The following PTPRD variants were observed in gnomAD, a reference collection of about 807,000 sequenced individuals.
PTPRD encodes protein tyrosine phosphatase receptor type D.
A neutral mutation model predicts 214.5 loss-of-function variants in PTPRD; 34 were observed. The observed-to-expected ratio is 0.16, with a 90% CI of 0.12 to 0.21. The LOEUF (loss-of-function observed/expected upper bound fraction) is 0.21, where lower values mean the gene tolerates loss of function less well. Ranked by LOEUF, PTPRD falls within the 10% of genes least tolerant of loss-of-function variation. PTPRD has a pLI of 1.00. For synonymous variants in PTPRD, 1,128 were observed against 845.7 expected (o/e 1.33, Z -5.79); for missense variants, 2,545 against 2,398.7 (o/e 1.06, Z -1.27).
At chr9:8,557,455 T>TATATATATATATATATACAC in intron 14 of PTPRD, among the ~76,000 whole-genome samples, 1 of 135,630 alleles carries the variant, frequency 7.4e-6, no homozygotes, top group African/African-American at 3.5e-5. Flanking sequence ...TATATATATA[T>TATATATATATATATATACAC]ATTTGGGCCG....
chr9:8,621,098 C>T (rs544242121), intron 14 of PTPRD, among the ~76,000 whole-genome samples: 5 of 151,870 alleles, frequency 3.3e-5, no homozygotes, highest in African/African-American at 4.8e-5. Context: ...TGGAAGGCAT[C>T]GTACAAGGGA....
intron 10 of PTPRD, among the ~76,000 whole-genome samples, chr9:9,067,532 T>C (rs1183225022): frequency 6.6e-6 from 1 of 152,212 alleles, no homozygotes; most frequent in African/African-American, 2.4e-5. Flanking sequence ...CTCCTCTTCT[T>C]GGCAGGTACT....
intron 9 of PTPRD, among the ~76,000 whole-genome samples, chr9:9,313,986 T>C (rs1035319291): frequency 1.3e-5 from 2 of 152,142 alleles, no homozygotes; most frequent in Non-Finnish European, 2.9e-5. Flanking sequence ...AAAATCTAGC[T>C]GTCATTTAGC....
rs373846484 is a variant in PTPRD, at chr9:8,574,810, G to A, written c.353-46031C>T. Among the ~76,000 whole-genome samples the A allele has an allele frequency of 1.4e-4, 21 of 152,008 alleles. No homozygotes were observed. The South Asian group carries it at 4.2e-3, about 30-fold the overall frequency. On this transcript the variant is annotated intron_variant, in intron 14 of 45. Coordinates refer to ENST00000381196, the MANE Select transcript of PTPRD (RefSeq NM_002839.4). The stretch of plus-strand genomic sequence containing the variant: ...GCCAATCCCATTTAAACAACTCACT[G>A]CTGAACTCCAAACAAACTTATAAAA...
intron 10 of PTPRD, among the ~76,000 whole-genome samples, chr9:9,163,962 C>T (rs1392210452): frequency 6.6e-6 from 1 of 152,162 alleles, no homozygotes; most frequent in Non-Finnish European, 1.5e-5. Context: ...TCAGAAAGCC[C>T]TCCTGAAATT....
chr9:10,085,865 A>G (rs1210930037), intron 3 of PTPRD, among the ~76,000 whole-genome samples: 2 of 151,874 alleles, frequency 1.3e-5, no homozygotes, highest in Non-Finnish European at 1.5e-5. Flanking sequence ...GTTTTTCAGT[A>G]TATTTCAGGG....
intron 10 of PTPRD, among the ~76,000 whole-genome samples, chr9:9,034,741 C>G (rs1386810577): frequency 6.6e-6 from 1 of 152,114 alleles, no homozygotes; most frequent in Non-Finnish European, 1.5e-5. Flanking sequence ...TCCATCTGCC[C>G]AGACTCATCT....
At chr9:9,635,368 G>A (rs528847395) in intron 7 of PTPRD, among the ~76,000 whole-genome samples, 1 of 152,264 alleles carries the variant, frequency 6.6e-6, no homozygotes, top group South Asian at 2.1e-4. Context: ...TTCAGGGTAG[G>A]TAGCATATTC....
At chr9:9,182,225 T>C (rs1197991443) in intron 10 of PTPRD, among the ~76,000 whole-genome samples, 2 of 152,066 alleles carry the variant, frequency 1.3e-5, no homozygotes, top group South Asian at 2.1e-4. Context: ...AGTGGTACTG[T>C]GATTTCTGAA....
chr9:9,307,688 G>A (rs997107180), intron 9 of PTPRD, among the ~76,000 whole-genome samples: 1 of 152,082 alleles, frequency 6.6e-6, no homozygotes, highest in South Asian at 2.1e-4. Context: ...TTACAAATCC[G>A]GTCAAGTTAA....
At chr9:8,486,571 A>G in intron 27 of PTPRD, 1 of 678,302 alleles carries the variant, frequency 1.5e-6, no homozygotes, top group Non-Finnish European at 2.7e-6. Context: ...ATGGACACAA[A>G]ACAGAAATTA....
At position 8,317,266 on chromosome 9, in the gene PTPRD, G is replaced by GTAAC. The variant is rs530103368; in HGVS notation, c.*604_*607dup. 6.4e-4 allele frequency: 148 copies of GTAAC among 232,004 alleles called. No homozygotes were observed. The highest frequency in any genetic ancestry group is 5.6e-3 in the East Asian group (91 of 16,376). The allele number at this position is 232,004 out of a possible 1,614,324, so 14.4% of individuals were successfully genotyped here. Reference sequence around the variant, plus strand: ...TGGAAATAAAAAAATGAAGAGTTATGTAACTTTTTTAAAATTCACTTTATC... The same window carrying GTAAC: ...TGGAAATAAAAAAATGAAGAGTTATGTAACTAACTTTTTTAAAATTCACTTTATC... On this transcript the variant is annotated 3_prime_UTR_variant, in exon 46 of 46. Transcript: ENST00000381196.
intron 7 of PTPRD, among the ~76,000 whole-genome samples, chr9:9,665,475 T>G (rs1373478613): frequency 1.3e-5 from 2 of 151,780 alleles, no homozygotes; most frequent in Non-Finnish European, 3.0e-5. Context: ...TATTAGATAC[T>G]TAACTATGTT....
rs1246745473 is a variant in PTPRD, at chr9:10,394,071, T to TAG, written c.-599-53055_-599-53054insCT. On this transcript the variant is annotated intron_variant, in intron 2 of 45. Transcript: ENST00000381196. ...TATATACATATTATATATATATATA[T>TAG]ATATAGAGAGAGAAACATATCTATC... Among the ~76,000 whole-genome samples the TAG allele has an allele frequency of 4.2e-3, 605 of 142,892 alleles. 6 individuals are homozygous for TAG. The highest frequency in any genetic ancestry group is 0.015 in the African/African-American group (569 of 39,160). 93.7% of individuals were successfully genotyped at this position (142,892 alleles called of 152,430 possible).
intron 36 of PTPRD, among the ~76,000 whole-genome samples, chr9:8,402,619 T>C (rs1355996122): frequency 6.6e-6 from 1 of 152,162 alleles, no homozygotes; most frequent in African/African-American, 2.4e-5. Flanking sequence ...AAAAGATTTC[T>C]CTCTGCTATT....
chr9:9,322,540 A>T (rs7036700), intron 9 of PTPRD, among the ~76,000 whole-genome samples: 94,890 of 152,010 alleles, frequency 0.62, 30,220 homozygotes, highest in East Asian at 0.91. Context: ...GTAATAGACC[A>T]TTTTGGTATT....
chr9:10,401,936 A>T (rs2154496967), intron 2 of PTPRD, among the ~76,000 whole-genome samples: 1 of 151,470 alleles, frequency 6.6e-6, no homozygotes, highest in South Asian at 2.1e-4. Context: ...GCCCAAAATA[A>T]AAAGTTTAAA....
intron 8 of PTPRD, among the ~76,000 whole-genome samples, chr9:9,499,487 T>A (rs1234648964): frequency 1.3e-5 from 2 of 152,134 alleles, no homozygotes; most frequent in African/African-American, 4.8e-5. Flanking sequence ...AGCTATCATA[T>A]TTGTGAGTTA....
At position 9,693,149 on chromosome 9, in the gene PTPRD, T is replaced by C. The variant is rs1279827456; in HGVS notation, c.-287+41384A>G. ...CTGTTTGGTCTAGCTAAGACTTCAG[T>C]AATATGTTGAATAACAGTAGTAAAA... On this transcript the variant is annotated intron_variant, in intron 7 of 45. Transcript: ENST00000381196. Among the ~76,000 whole-genome samples the C allele has an allele frequency of 2.6e-5, 4 of 152,080 alleles. 1 individual carries two copies. The highest frequency in any genetic ancestry group is 9.7e-5 in the African/African-American group (4 of 41,398).
Sources: gnomAD v4.1 joint callset for allele counts (sites outside exome capture counted in the v4.1 genomes callset) on GRCh38, gnomAD v4.1.1 for gene constraint, MANE v1.5 for transcripts, NCBI Gene and HGNC (gene_info 2026-07-23, HGNC 2026-07-21) for gene names.